IL1RAPL1: variants seen among roughly 807,000 people sequenced by gnomAD.
IL1RAPL1 encodes the protein interleukin 1 receptor accessory protein like 1, also known as interleukin-1 receptor accessory protein-like 1.
Under a neutral mutation model 48.4 loss-of-function variants are expected in IL1RAPL1, and 3 were observed. The observed-to-expected ratio is 0.06, with a 90% CI of 0.03 to 0.16. The LOEUF (loss-of-function observed/expected upper bound fraction) is 0.16. Ranked by LOEUF, IL1RAPL1 falls within the 10% of genes least tolerant of loss-of-function variation. IL1RAPL1 has a pLI of 1.00. For synonymous variants in IL1RAPL1, 185 were observed against 187.7 expected, an observed-to-expected ratio of 0.99 and a Z score of 0.12; for missense variants, 349 against 530.6, an observed-to-expected ratio of 0.66 and a Z score of 3.36.
intron 3 of IL1RAPL1, among the ~76,000 whole-genome samples, chrX:29,381,988 G>C (rs1216864359): frequency 1.8e-5 from 2 of 108,491 alleles, no homozygotes; most frequent in Non-Finnish European, 3.8e-5. Flanking sequence ...ATCCATATTA[G>C]TAAAAGAAAG....
At chrX:29,015,034 G>T (rs1926208460) in intron 2 of IL1RAPL1, among the ~76,000 whole-genome samples, 1 of 110,876 alleles carries the variant, frequency 9.0e-6, no homozygotes, top group South Asian at 3.8e-4. Flanking sequence ...AGCACTGTTA[G>T]AATGACATTT....
At chrX:29,280,844 G>A in intron 2 of IL1RAPL1, among the ~76,000 whole-genome samples, 1 of 111,998 alleles carries the variant, frequency 8.9e-6, no homozygotes, top group Admixed American at 9.5e-5. Context: ...AGGCCTCTCT[G>A]AGGAGGTGAT....
chrX:29,283,409 A>G (rs1932233144), intron 3 of IL1RAPL1, among the ~76,000 whole-genome samples, 192 bp downstream of exon 3: 1 of 112,510 alleles, frequency 8.9e-6, no homozygotes, highest in African/African-American at 3.2e-5. Flanking sequence ...TTTCTAGCTT[A>G]TGGAGAAAAG....
At chrX:28,682,447 G>A (rs1935072306) in intron 1 of IL1RAPL1, among the ~76,000 whole-genome samples, 1 of 110,971 alleles carries the variant, frequency 9.0e-6, no homozygotes, top group Non-Finnish European at 1.9e-5. Flanking sequence ...TAGCCAGGAT[G>A]ACAGGCGTGC....
At chrX:28,994,953 T>A (rs1201528481) in intron 2 of IL1RAPL1, among the ~76,000 whole-genome samples, 3 of 111,730 alleles carry the variant, frequency 2.7e-5, no homozygotes, top group Non-Finnish European at 5.6e-5. Flanking sequence ...TGATTTCTAG[T>A]TCATGTTATT....
At chrX:28,602,109 A>G (rs1934034358) in intron 1 of IL1RAPL1, among the ~76,000 whole-genome samples, 1 of 109,488 alleles carries the variant, frequency 9.1e-6, no homozygotes, top group African/African-American at 3.3e-5. Flanking sequence ...CATCTCAAAA[A>G]AAAAAAAAAA....
intron 5 of IL1RAPL1, among the ~76,000 whole-genome samples, chrX:29,665,965 TG>T (rs1925986496): frequency 1.8e-5 from 2 of 111,412 alleles, no homozygotes; most frequent in Admixed American, 1.9e-4. Flanking sequence ...TAACAAAGAA[TG>T]GGGAGGAAAA....
chrX:29,656,390 C>T (rs1278947973), intron 5 of IL1RAPL1, among the ~76,000 whole-genome samples: 1 of 110,923 alleles, frequency 9.0e-6, no homozygotes, highest in Non-Finnish European at 1.9e-5. Context: ...ATACTGAACC[C>T]AATGTGTAGT....
chrX:29,197,311 C>T (rs1179138758), intron 2 of IL1RAPL1, among the ~76,000 whole-genome samples: 1 of 111,186 alleles, frequency 9.0e-6, no homozygotes, highest in Non-Finnish European at 1.9e-5. Context: ...AAAAACAATC[C>T]ATGATTTTTA....
At chrX:28,646,984 A>G (rs983328079) in intron 1 of IL1RAPL1, among the ~76,000 whole-genome samples, 2 of 111,913 alleles carry the variant, frequency 1.8e-5, no homozygotes, top group African/African-American at 6.5e-5. Context: ...TGACTGTGAT[A>G]GCTCCACAGT....
intron 5 of IL1RAPL1, among the ~76,000 whole-genome samples, chrX:29,422,681 A>G (rs187349986): frequency 3.8e-4 from 42 of 111,948 alleles, no homozygotes; most frequent in Admixed American, 2.6e-3. Flanking sequence ...AATTTCTTTC[A>G]TTTATATAAA....
At chrX:28,875,577 T>A (rs887177842) in intron 2 of IL1RAPL1, among the ~76,000 whole-genome samples, 3 of 111,933 alleles carry the variant, frequency 2.7e-5, no homozygotes, top group Non-Finnish European at 3.8e-5. Context: ...AAATGTGATC[T>A]CCAATATTGG....
At chrX:28,782,464 T>G (rs1471678236) in intron 1 of IL1RAPL1, among the ~76,000 whole-genome samples, 1 of 111,539 alleles carries the variant, frequency 9.0e-6, no homozygotes, top group Non-Finnish European at 1.9e-5. Flanking sequence ...TAATAAAAAT[T>G]TTACATTTCT....
chrX:29,468,081 G>A (rs1033658254), intron 5 of IL1RAPL1, among the ~76,000 whole-genome samples: 4 of 111,490 alleles, frequency 3.6e-5, no homozygotes, highest in African/African-American at 9.8e-5. Context: ...GGCTGGTCTC[G>A]AACTCCTGAC....
chrX:28,958,870 A>G (rs1924688858), intron 2 of IL1RAPL1, among the ~76,000 whole-genome samples: 1 of 111,777 alleles, frequency 8.9e-6, no homozygotes, highest in Non-Finnish European at 1.9e-5. Flanking sequence ...AAGCTTTAGT[A>G]AAATAAAGAG....
chrX:28,641,080 TA>T (rs1352162303), intron 1 of IL1RAPL1, among the ~76,000 whole-genome samples: 1 of 109,566 alleles, frequency 9.1e-6, no homozygotes, highest in African/African-American at 3.3e-5. Flanking sequence ...TTTTTTTAAT[TA>T]TACTTTAAGT....
chrX:29,510,124 G>A (rs1935379116), intron 5 of IL1RAPL1, among the ~76,000 whole-genome samples: 1 of 112,191 alleles, frequency 8.9e-6, no homozygotes, highest in Non-Finnish European at 1.9e-5. Context: ...GCATAAATTT[G>A]TAAAAACAGT....
At chrX:29,758,916 GT>G (rs1385355836) in intron 6 of IL1RAPL1, among the ~76,000 whole-genome samples, 1 of 111,493 alleles carries the variant, frequency 9.0e-6, no homozygotes, top group African/African-American at 3.3e-5. Flanking sequence ...TAATGCAGAG[GT>G]TAAACAGCCT....
At chrX:29,278,583 C>T (rs774842002) in intron 2 of IL1RAPL1, among the ~76,000 whole-genome samples, 4 of 111,546 alleles carry the variant, frequency 3.6e-5, no homozygotes, top group African/African-American at 9.8e-5. Flanking sequence ...TATTTTATTC[C>T]GAAAGGGAGA....
Sources: gnomAD v4.1 joint callset for allele counts (sites outside exome capture counted in the v4.1 genomes callset) on GRCh38, gnomAD v4.1.1 for gene constraint, MANE v1.5 for transcripts, NCBI Gene and HGNC (gene_info 2026-07-23, HGNC 2026-07-21) for gene names.